The following LINGO1 variants were observed in gnomAD, a reference collection of about 807,000 sequenced individuals.
LINGO1 encodes leucine rich repeat and Ig domain containing 1.
Under a neutral mutation model 37.3 loss-of-function variants are expected in LINGO1, and 11 were observed. That is an observed-to-expected ratio of 0.29 (90% CI 0.19 to 0.49). LINGO1 has a LOEUF of 0.49. Ranked by LOEUF, LINGO1 falls within the 20% of genes least tolerant of loss-of-function variation. The pLI, the probability that LINGO1 is intolerant of heterozygous loss-of-function variation, is 0.99. For synonymous variants in LINGO1, 387 were observed against 403.0 expected (o/e 0.96, Z 0.48); for missense variants, 585 against 878.2 (o/e 0.67, Z 4.22).
At chr15:77,691,721 CAG>C (rs1176882320) in intron 1 of LINGO1, among the ~76,000 whole-genome samples, 2 of 151,386 alleles carry the variant, frequency 1.3e-5, no homozygotes, top group Admixed American at 1.3e-4. Context: ...CACTCCACGA[CAG>C]AGATGACGGA....
At chr15:77,714,317 C>T (rs976128909) in intron 2 of LINGO1, among the ~76,000 whole-genome samples, 1 of 152,190 alleles carries the variant, frequency 6.6e-6, no homozygotes, top group Non-Finnish European at 1.5e-5. Flanking sequence ...TCTTTCCCTA[C>T]TTGGCCCTTC....
intron 3 of LINGO1, among the ~76,000 whole-genome samples, chr15:77,642,250 G>A (rs974750554): frequency 1.3e-5 from 2 of 152,190 alleles, no homozygotes; most frequent in African/African-American, 4.8e-5. Context: ...GAGGGGGAAG[G>A]TGTCCAGTTG....
At chr15:77,631,817 G>A (rs1232745045) in intron 1 of LINGO1, among the ~76,000 whole-genome samples, 1 of 152,240 alleles carries the variant, frequency 6.6e-6, no homozygotes, top group African/African-American at 2.4e-5. Flanking sequence ...GGCGATGCTT[G>A]TGTGTGGTGG....
intron 2 of LINGO1, among the ~76,000 whole-genome samples, chr15:77,727,735 T>C (rs2076116761): frequency 6.6e-6 from 1 of 151,568 alleles, no homozygotes; most frequent in African/African-American, 2.4e-5. Flanking sequence ...TGTTTTTTTT[T>C]TACCATAATT....
upstream of LINGO1, among the ~76,000 whole-genome samples, chr15:77,634,051 G>A (rs576287692): frequency 9.9e-4 from 151 of 152,306 alleles, no homozygotes; most frequent in Admixed American, 2.0e-3. Context: ...AATAGCTTGA[G>A]TCCACAGGGG....
chr15:77,783,575 G>C (rs1240333450), intron 1 of LINGO1, among the ~76,000 whole-genome samples: 3 of 152,274 alleles, frequency 2.0e-5, no homozygotes, highest in Non-Finnish European at 4.4e-5. Context: ...AGAGAACCAG[G>C]CTTCACCCCT....
upstream of LINGO1, chr15:77,788,481 C>A (rs1239778251): frequency 6.6e-6 from 1 of 152,206 alleles, no homozygotes; most frequent in Non-Finnish European, 1.5e-5. Context: ...AGAGCTGCGA[C>A]TGAGTCCCGG....
intron 2 of LINGO1, among the ~76,000 whole-genome samples, chr15:77,792,315 C>T (rs1273427800): frequency 6.6e-6 from 1 of 152,242 alleles, no homozygotes; most frequent in Non-Finnish European, 1.5e-5. Flanking sequence ...GCCCCACCAC[C>T]TCTGGTCTGG....
intron 3 of LINGO1, among the ~76,000 whole-genome samples, chr15:77,658,734 A>T (rs1193273320): frequency 1.3e-5 from 2 of 152,246 alleles, no homozygotes; most frequent in African/African-American, 4.8e-5. Context: ...AACCAGGATG[A>T]CTGTCACCTG....
At chr15:77,681,563 T>G (rs1458197867) in intron 2 of LINGO1, among the ~76,000 whole-genome samples, 1 of 152,200 alleles carries the variant, frequency 6.6e-6, no homozygotes, top group African/African-American at 2.4e-5. Context: ...TAGAATTGCT[T>G]TGAGGGAGGA....
chr15:77,766,086 A>C (rs1267994695), intron 1 of LINGO1, among the ~76,000 whole-genome samples: 1 of 152,196 alleles, frequency 6.6e-6, no homozygotes, highest in Non-Finnish European at 1.5e-5. Context: ...TATGAAAGAC[A>C]GAGTTCCAAA....
At chr15:77,670,599 C>A (rs1420269915) in intron 3 of LINGO1, among the ~76,000 whole-genome samples, 3 of 152,252 alleles carry the variant, frequency 2.0e-5, no homozygotes, top group East Asian at 3.9e-4. Context: ...GGGCACACTT[C>A]ATACTCTGTA....
rs1436757463 is a variant in LINGO1 at position 77,770,751 on chromosome 15, G to A, written c.-257+16118C>T. ...CATCCTCCTCACTTCAGCAGGAATC[G>A]ACAGGCCCTTCCTAAGCCCTAAACT... is the stretch of plus-strand genomic sequence containing the variant. On this transcript the variant is annotated intron_variant, in intron 1 of 3. Coordinates refer to the LINGO1 transcript ENST00000561686. 2.6e-5 allele frequency among the ~76,000 whole-genome samples: 4 copies of A among 152,098 alleles called. No homozygotes were observed. The East Asian group carries it at 5.8e-4, about 22-fold the overall frequency.
At chr15:77,798,191 AGG>A (rs908880953) in intron 1 of LINGO1, among the ~76,000 whole-genome samples, 2 of 152,324 alleles carry the variant, frequency 1.3e-5, no homozygotes, top group African/African-American at 4.8e-5. Flanking sequence ...CCTAGGACAC[AGG>A]GGTAGCAGAG....
At chr15:77,660,825 G>A (rs2074975544) in intron 3 of LINGO1, among the ~76,000 whole-genome samples, 1 of 152,056 alleles carries the variant, frequency 6.6e-6, no homozygotes, top group African/African-American at 2.4e-5. Flanking sequence ...ACAGAGGCAG[G>A]GATGAGATCC....
At chr15:77,774,086 G>A (rs1257736028) in intron 1 of LINGO1, among the ~76,000 whole-genome samples, 1 of 152,120 alleles carries the variant, frequency 6.6e-6, no homozygotes, top group Non-Finnish European at 1.5e-5. Context: ...GGGCTCCAGG[G>A]ATGCCATGGG....
intron 1 of LINGO1, among the ~76,000 whole-genome samples, chr15:77,624,834 C>T (rs1036652772): frequency 2.0e-5 from 3 of 152,118 alleles, no homozygotes; most frequent in Admixed American, 6.5e-5. Context: ...AGGCAAGTGC[C>T]TATTCGGGGG....
intron 2 of LINGO1, among the ~76,000 whole-genome samples, chr15:77,731,665 C>T (rs893532554): frequency 6.6e-6 from 1 of 152,178 alleles, no homozygotes; most frequent in East Asian, 1.9e-4. Context: ...TAGGCCTCTC[C>T]GCTCAACCCC....
At chr15:77,688,796 G>T (rs779344211) in intron 2 of LINGO1, among the ~76,000 whole-genome samples, 106 of 152,260 alleles carry the variant, frequency 7.0e-4, no homozygotes, top group Middle Eastern at 3.2e-3. Context: ...AGAAGCCACA[G>T]ACAAGGTTAT....
Sources: gnomAD v4.1 joint callset for allele counts (sites outside exome capture counted in the v4.1 genomes callset) on GRCh38, gnomAD v4.1.1 for gene constraint, MANE v1.5 for transcripts, NCBI Gene and HGNC (gene_info 2026-07-23, HGNC 2026-07-21) for gene names.